Variants in IL17RD observed in about 807,000 individuals in gnomAD.
IL17RD encodes the protein interleukin-17 receptor D.
A neutral mutation model predicts 80.5 loss-of-function variants in IL17RD; 52 were observed. The observed-to-expected ratio is 0.65, with a 90% CI of 0.52 to 0.81. The LOEUF (loss-of-function observed/expected upper bound fraction) is 0.81. Ranked by LOEUF, IL17RD falls within the 40% of genes least tolerant of loss-of-function variation. The pLI is 0.00. For missense variants in IL17RD, 1,024 were observed against 955.1 expected (o/e 1.07, Z -0.95); for synonymous variants, 416 against 391.8 (o/e 1.06, Z -0.73).
rs2107454484 is a variant in IL17RD at position 57,092,986 on chromosome 3, A to G, written c.*3407T>C. 6.6e-6 allele frequency: 1 copy of G among 152,306 alleles called. No homozygotes were observed. Among genetic ancestry groups the G allele is most frequent in the East Asian group, 1.9e-4 (1 of 5,178 alleles). 9.4% of individuals were successfully genotyped at this position (152,306 alleles called of 1,614,324 possible). A position where few individuals can be genotyped will look rare whatever the true frequency, so the allele number is the denominator to read the frequency against. On this transcript the variant is annotated 3_prime_UTR_variant, in exon 13 of 13. Coordinates refer to ENST00000296318, the MANE Select transcript of IL17RD (RefSeq NM_017563.5). ...ATTTTTTAAAATCAGAATTTTTCATATAAAAATCCAGATTGTCAGCTTTTC... is the reference window on the plus strand; with the variant it reads ...ATTTTTTAAAATCAGAATTTTTCATGTAAAAATCCAGATTGTCAGCTTTTC...
At chr3:57,146,973 C>G (rs1014792481) in intron 1 of IL17RD, among the ~76,000 whole-genome samples, 4 of 148,086 alleles carry the variant, frequency 2.7e-5, no homozygotes, top group Non-Finnish European at 5.9e-5. Context: ...AGGTGCCCAA[C>G]AACCATGCCC....
chr3:57,105,552 A>AAAATATATATATATATATATAT, intron 7 of IL17RD, among the ~76,000 whole-genome samples: 5 of 63,580 alleles, frequency 7.9e-5, no homozygotes, highest in Admixed American at 1.9e-4. Context: ...AAAAAAAAAA[A>AAAATATATATATATATATATAT]ATATATATAT....
At chr3:57,157,450 C>T (rs2060275758) in intron 1 of IL17RD, among the ~76,000 whole-genome samples, 1 of 152,216 alleles carries the variant, frequency 6.6e-6, no homozygotes. Context: ...ACTGGTCCCA[C>T]AACCTAACAC....
intron 1 of IL17RD, among the ~76,000 whole-genome samples, chr3:57,158,934 G>A (rs1188113400): frequency 6.6e-6 from 1 of 152,192 alleles, no homozygotes; most frequent in African/African-American, 2.4e-5. Context: ...TTCAGCATAT[G>A]ACTGAACAGG....
At chr3:57,132,110 A>G (rs772898598) in intron 1 of IL17RD, among the ~76,000 whole-genome samples, 3 of 146,914 alleles carry the variant, frequency 2.0e-5, no homozygotes. Context: ...CGCTTGAGCC[A>G]AGGAGGTTGT....
In IL17RD at chr3:57,098,427, T is replaced by A; in HGVS notation, c.1276A>T (p.Met426Leu). ...TTCTTCTTGTCCACAAAGTACTTCA[T>A]ACCTTTGGAACAAACCACAATGATG... The part of the protein sequence containing the change: ...QFIIVVCSKG[M>L]KYFVDKKNYK... The change falls in exon 12 of 13, where the codon ATG becomes TTG. Residue 426 changes from methionine to leucine, a missense_variant. Transcript: ENST00000296318. 2 of 1,613,974 alleles carry A rather than the reference T, an allele frequency of 1.2e-6. No individual in the cohort carries two copies. Among genetic ancestry groups the A allele is most frequent in the Non-Finnish European group, 1.7e-6 (2 of 1,179,858 alleles).
At chr3:57,105,552 A>AATATATATAT (rs1553623051) in intron 7 of IL17RD, among the ~76,000 whole-genome samples, 30 of 63,546 alleles carry the variant, frequency 4.7e-4, no homozygotes, top group African/African-American at 2.6e-3. Context: ...AAAAAAAAAA[A>AATATATATAT]ATATATATAT....
At chr3:57,120,149 G>A (rs1191410128) in intron 2 of IL17RD, 107 bp downstream of exon 2, 2 of 884,956 alleles carry the variant, frequency 2.3e-6, no homozygotes, top group African/African-American at 3.3e-5. Flanking sequence ...AACAGGTTCA[G>A]AAAATTCGTC....
At chr3:57,104,444 C>G (rs1181036125) in intron 7 of IL17RD, 37 bp from the exon 8 acceptor site, 2 of 1,471,792 alleles carry the variant, frequency 1.4e-6, no homozygotes, top group Non-Finnish European at 1.9e-6. Context: ...AAACTCACTT[C>G]TTGGGCAAAG....
rs1248449871 is a variant in IL17RD, at chr3:57,165,317, C to T, written c.-31G>A. The T allele has an allele frequency of 1.5e-6, 2 of 1,339,810 alleles. No homozygotes were observed. The highest frequency in any genetic ancestry group is 3.2e-5 in the East Asian group (1 of 30,856). 83.0% of individuals were successfully genotyped at this position (1,339,810 alleles called of 1,614,324 possible). On this transcript the variant is annotated 5_prime_UTR_variant, in exon 1 of 13. Coordinates refer to ENST00000296318, the MANE Select transcript of IL17RD (RefSeq NM_017563.5). ...TGCGCTCGCCCAGCCAGGCCGTTCTCTGCGCCCCGGCCGCCCGCCGCTGGC... is the reference window on the plus strand; with the variant it reads ...TGCGCTCGCCCAGCCAGGCCGTTCTTTGCGCCCCGGCCGCCCGCCGCTGGC...
At chr3:57,157,800 C>T (rs1429297366) in intron 1 of IL17RD, among the ~76,000 whole-genome samples, 1 of 152,184 alleles carries the variant, frequency 6.6e-6, no homozygotes, top group African/African-American at 2.4e-5. Flanking sequence ...GAAAACACAC[C>T]TCTTCGTTCC....
chr3:57,162,766 C>G (rs1047444758), intron 1 of IL17RD, among the ~76,000 whole-genome samples: 2 of 152,206 alleles, frequency 1.3e-5, no homozygotes, highest in Admixed American at 6.5e-5. Context: ...TTACAGGGCT[C>G]TGACGCCACC....
intron 1 of IL17RD, among the ~76,000 whole-genome samples, chr3:57,151,492 G>A (rs2060220356): frequency 6.6e-6 from 1 of 152,154 alleles, no homozygotes; most frequent in South Asian, 2.1e-4. Flanking sequence ...GAGTTTCATG[G>A]AAATTCATCC....
At chr3:57,110,424 T>C (rs1707071882) in intron 3 of IL17RD, 113 bp from the exon 4 acceptor site, 1 of 1,191,686 alleles carries the variant, frequency 8.4e-7, no homozygotes, top group South Asian at 1.4e-5. Context: ...AAAGGAATTC[T>C]AACTGTGGCC....
At chr3:57,116,584 C>A (rs1422106928) in intron 2 of IL17RD, among the ~76,000 whole-genome samples, 2 of 151,856 alleles carry the variant, frequency 1.3e-5, no homozygotes, top group Non-Finnish European at 2.9e-5. Context: ...CATGCCTGGC[C>A]CATATTTACA....
intron 1 of IL17RD, among the ~76,000 whole-genome samples, chr3:57,145,341 G>T (rs909812809): frequency 2.0e-5 from 3 of 152,122 alleles, no homozygotes; most frequent in Admixed American, 6.5e-5. Flanking sequence ...CGGGTCTTTG[G>T]CCATGTGGAT....
rs536077988 is a variant in IL17RD, at chr3:57,106,951, T to C, written c.551-797A>G. Among the ~76,000 whole-genome samples the C allele has an allele frequency of 2.6e-5, 4 of 152,340 alleles. No individual in the cohort carries two copies. In the East Asian group the frequency reaches 7.7e-4, roughly 29 times the overall value. On this transcript the variant is annotated intron_variant, in intron 5 of 12. Transcript: ENST00000296318. ...CTATGCCAACGGGAAAAATTCATCT[T>C]AAATTACACTAATTTTGATTTAGGT...
At chr3:57,163,929 G>A (rs771165566) in intron 1 of IL17RD, among the ~76,000 whole-genome samples, 10 of 152,156 alleles carry the variant, frequency 6.6e-5, no homozygotes, top group Non-Finnish European at 1.3e-4. Flanking sequence ...TTGGGACTGT[G>A]GGGCAAGTGA....
intron 1 of IL17RD, among the ~76,000 whole-genome samples, chr3:57,154,281 T>TACACACACACACACACACACACACACAC (rs1333665315): frequency 2.3e-5 from 3 of 133,116 alleles, no homozygotes; most frequent in African/African-American, 9.3e-5. Flanking sequence ...TATATATATA[T>TACACACACACACACACACACACACACAC]ATACACACAC....
Sources: gnomAD v4.1 joint callset for allele counts (sites outside exome capture counted in the v4.1 genomes callset) on GRCh38, gnomAD v4.1.1 for gene constraint, MANE v1.5 for transcripts, NCBI Gene and HGNC (gene_info 2026-07-23, HGNC 2026-07-21) for gene names.